Variants in CNTN6 observed in about 807,000 individuals in gnomAD.
CNTN6 encodes contactin-6.
In CNTN6, 137 loss-of-function variants were observed where a neutral mutation model predicts 122.8. The observed-to-expected ratio is 1.12, with a 90% confidence interval of 0.97 to 1.29. The LOEUF is 1.29. CNTN6 is among the 50% of genes most tolerant of loss of function. CNTN6 has a pLI of 0.00. For synonymous variants in CNTN6, 570 were observed against 426.0 expected (o/e 1.34, Z -4.16); for missense variants, 1,634 against 1,223.4 (o/e 1.34, Z -5.01).
chr3:1,116,938 C>CA (rs2091746201), intron 1 of CNTN6, among the ~76,000 whole-genome samples: 1 of 152,080 alleles, frequency 6.6e-6, no homozygotes, highest in Non-Finnish European at 1.5e-5. Flanking sequence ...CTCCTGACCT[C>CA]AAGTGATCCA....
intron 2 of CNTN6, among the ~76,000 whole-genome samples, chr3:1,189,709 C>A (rs1159707812): frequency 6.6e-6 from 1 of 152,066 alleles, no homozygotes; most frequent in East Asian, 1.9e-4. Flanking sequence ...CAATGAGAAG[C>A]CTTTGAGGCC....
chr3:1,190,396 A>T (rs139623861), intron 2 of CNTN6, among the ~76,000 whole-genome samples: 1 of 152,216 alleles, frequency 6.6e-6, no homozygotes, highest in African/African-American at 2.4e-5. Context: ...ATATGTCACA[A>T]TGTCTCTTCT....
intron 7 of CNTN6, among the ~76,000 whole-genome samples, chr3:1,315,554 G>C (rs1222380572): frequency 6.6e-6 from 1 of 151,992 alleles, no homozygotes; most frequent in East Asian, 1.9e-4. Context: ...GATGGCATAT[G>C]GAAGCCATCT....
At chr3:1,106,696 A>G (rs2091240036) in intron 1 of CNTN6, among the ~76,000 whole-genome samples, 1 of 152,134 alleles carries the variant, frequency 6.6e-6, no homozygotes, top group South Asian at 2.1e-4. Context: ...TTACTTTTAT[A>G]TCAGGTTATA....
intron 2 of CNTN6, among the ~76,000 whole-genome samples, chr3:1,212,497 A>ATG (rs1553627159): frequency 1.7e-5 from 2 of 120,656 alleles, no homozygotes; most frequent in Admixed American, 1.1e-4. Flanking sequence ...ATATATATAC[A>ATG]TGTGTGTATA....
chr3:1,127,888 G>T (rs759355840), intron 1 of CNTN6, among the ~76,000 whole-genome samples: 1 of 151,826 alleles, frequency 6.6e-6, no homozygotes, highest in Non-Finnish European at 1.5e-5. Context: ...ATGAAACACA[G>T]ATTGTTCAAG....
intron 12 of CNTN6, among the ~76,000 whole-genome samples, chr3:1,362,473 A>G (rs564400503): frequency 6.6e-6 from 1 of 152,248 alleles, no homozygotes; most frequent in South Asian, 2.1e-4. Context: ...TTAAAACTCC[A>G]ATGGAAGTTC....
chr3:1,377,408 T>C (rs1181684638), intron 17 of CNTN6, among the ~76,000 whole-genome samples: 3 of 152,160 alleles, frequency 2.0e-5, no homozygotes, highest in Non-Finnish European at 4.4e-5. Flanking sequence ...TGTGAATAAG[T>C]TGAGCCCAGT....
chr3:1,308,275 G>A (rs974740068), intron 7 of CNTN6, among the ~76,000 whole-genome samples: 1 of 134,474 alleles, frequency 7.4e-6, no homozygotes, highest in Non-Finnish European at 1.6e-5. Context: ...ACTCATCAAT[G>A]TATGGGGTGT....
intron 8 of CNTN6, among the ~76,000 whole-genome samples, chr3:1,325,390 G>A (rs1157925139): frequency 6.6e-6 from 1 of 151,862 alleles, no homozygotes; most frequent in East Asian, 1.9e-4. Flanking sequence ...GTCTGAAACA[G>A]ATACAGATTT....
At chr3:1,366,037 G>A (rs1274146119) in intron 12 of CNTN6, among the ~76,000 whole-genome samples, 1 of 152,100 alleles carries the variant, frequency 6.6e-6, no homozygotes, top group African/African-American at 2.4e-5. Context: ...TCAAAATCAA[G>A]TGGAGAAGCC....
At chr3:1,104,051 A>T (rs1204547934) in intron 1 of CNTN6, among the ~76,000 whole-genome samples, 2 of 152,116 alleles carry the variant, frequency 1.3e-5, no homozygotes, top group Admixed American at 1.3e-4. Context: ...TATGTAATAG[A>T]TGCTATTTCA....
chr3:1,270,269 A>G (rs1189339154), intron 4 of CNTN6, among the ~76,000 whole-genome samples: 3 of 152,256 alleles, frequency 2.0e-5, no homozygotes, highest in Admixed American at 6.5e-5. Flanking sequence ...CTCAAGAAAT[A>G]GGAAATAGCA....
intron 2 of CNTN6, among the ~76,000 whole-genome samples, chr3:1,162,752 G>C (rs894009929): frequency 2.0e-5 from 3 of 152,218 alleles, no homozygotes; most frequent in African/African-American, 7.2e-5. Context: ...CCAAAAGCAC[G>C]TGAGGATTGA....
chr3:1,189,940 G>A (rs2093677917), intron 2 of CNTN6, among the ~76,000 whole-genome samples: 1 of 152,166 alleles, frequency 6.6e-6, no homozygotes, highest in South Asian at 2.1e-4. Flanking sequence ...ATGAATTTAG[G>A]TTCTCAGACT....
intron 2 of CNTN6, among the ~76,000 whole-genome samples, chr3:1,206,576 C>A (rs1307874899): frequency 6.6e-6 from 1 of 152,162 alleles, no homozygotes; most frequent in Non-Finnish European, 1.5e-5. Context: ...CAACCAAATG[C>A]ACCATTGACC....
rs544510931 is a variant in CNTN6 at position 1,395,193 on chromosome 3, CT to C, written c.2705-6237del. Among the ~76,000 whole-genome samples, 142 of 152,288 alleles carry C rather than the reference CT, an allele frequency of 9.3e-4. 1 individual carries two copies. Among genetic ancestry groups the C allele is most frequent in the African/African-American group, 3.2e-3 (134 of 41,564 alleles). Reference sequence around the variant, plus strand: ...ACCTATCCAACCTCTCATTTTATTACTTTGACATTCTACATCACAGACATTG... The same window carrying C: ...ACCTATCCAACCTCTCATTTTATTACTTGACATTCTACATCACAGACATTG... On this transcript the variant is annotated intron_variant, in intron 20 of 22. Coordinates refer to ENST00000446702, the MANE Select transcript of CNTN6 (RefSeq NM_001289080.2).
intron 12 of CNTN6, 119 bp downstream of exon 12, chr3:1,352,570 G>A: frequency 1.7e-6 from 2 of 1,199,264 alleles, no homozygotes; most frequent in East Asian, 2.6e-5. Flanking sequence ...GATTTCACAA[G>A]TTATCTAAGA....
chr3:1,361,851 A>G (rs988654460), intron 12 of CNTN6, among the ~76,000 whole-genome samples: 1 of 152,162 alleles, frequency 6.6e-6, no homozygotes, highest in Non-Finnish European at 1.5e-5. Flanking sequence ...AAGCACAGAG[A>G]GGTTAGCCCC....
Sources: allele counts gnomAD v4.1 joint callset (sites outside exome capture counted in the v4.1 genomes callset), GRCh38; gene constraint gnomAD v4.1.1; transcripts MANE v1.5; gene names NCBI Gene and HGNC (gene_info 2026-07-23, HGNC 2026-07-21).